The following RAE1 variants were observed in gnomAD, a reference collection of about 807,000 sequenced individuals.
The protein encoded by RAE1 is ribonucleic acid export 1.
A neutral mutation model predicts 52.7 loss-of-function variants in RAE1; 13 were observed. The ratio of observed to expected loss-of-function variants is 0.25; its 90% CI spans 0.16 to 0.39. RAE1 has a LOEUF of 0.39. Among genes scored for constraint, RAE1 ranks in the 10% least tolerant of loss-of-function variants. RAE1 has a pLI of 1.00. For missense variants in RAE1, 262 were observed against 459.8 expected, an observed-to-expected ratio of 0.57 and a Z score of 3.93; for synonymous variants, 164 against 153.1, an observed-to-expected ratio of 1.07 and a Z score of -0.52.
chr20:57,359,450 A>C (rs2066858071), intron 4 of RAE1: 1 of 154,402 alleles, frequency 6.5e-6, no homozygotes, highest in Non-Finnish European at 1.4e-5. Flanking sequence ...AATTTAAGAT[A>C]GTTAGATATT....
intron 4 of RAE1, among the ~76,000 whole-genome samples, chr20:57,363,451 T>A (rs1209133083): frequency 7.2e-5 from 11 of 152,154 alleles, no homozygotes; most frequent in Non-Finnish European, 1.3e-4. Flanking sequence ...AGACTGAGGC[T>A]GCAGTGATCC....
At chr20:57,357,460 A>T (rs569540289) in intron 4 of RAE1, 1 of 152,340 alleles carries the variant, frequency 6.6e-6, no homozygotes, top group South Asian at 2.1e-4. Context: ...AATTAGGACA[A>T]GCATTGAGAT....
chr20:57,367,226 C>A, intron 7 of RAE1, 147 bp downstream of exon 7: 1 of 715,348 alleles, frequency 1.4e-6, no homozygotes, highest in Non-Finnish European at 2.3e-6. Flanking sequence ...GTTGAGATTG[C>A]CTCAGTCGTC....
intron 3 of RAE1, among the ~76,000 whole-genome samples, chr20:57,355,552 C>A (rs554408632): frequency 7.2e-5 from 11 of 152,272 alleles, no homozygotes; most frequent in African/African-American, 2.4e-4. Flanking sequence ...CTCACTGATA[C>A]CCTTCTGGGA....
At chr20:57,352,092 A>G (rs2066718719) in intron 1 of RAE1, 1 of 656,224 alleles carries the variant, frequency 1.5e-6, no homozygotes, top group Middle Eastern at 7.8e-4. Flanking sequence ...AAGATTAGAT[A>G]TGTTAAAGTT....
At chr20:57,351,770 G>GCGT in intron 1 of RAE1, 10 of 985,518 alleles carry the variant, frequency 1.0e-5, no homozygotes, top group Non-Finnish European at 1.2e-5. Flanking sequence ...TTGCAGAAGG[G>GCGT]CGTCCCCTTT....
At chr20:57,358,808 G>A in intron 4 of RAE1, 1 of 441,172 alleles carries the variant, frequency 2.3e-6, no homozygotes, top group African/African-American at 2.0e-5. Context: ...ACTTAGACTT[G>A]TGTGGTCTTA....
At chr20:57,373,774 C>T in intron 10 of RAE1, 36 bp downstream of exon 10, 1 of 1,584,596 alleles carries the variant, frequency 6.3e-7, no homozygotes, top group Non-Finnish European at 8.7e-7. Flanking sequence ...GGTAATACAT[C>T]TGGAAACCAG....
intron 8 of RAE1, among the ~76,000 whole-genome samples, chr20:57,369,628 A>G (rs945319272): frequency 3.3e-5 from 5 of 152,178 alleles, no homozygotes; most frequent in Admixed American, 1.3e-4. Flanking sequence ...ACACATCTGG[A>G]TGGGTTGGTT....
chr20:57,361,406 T>C (rs1337815945), intron 4 of RAE1, among the ~76,000 whole-genome samples: 2 of 152,188 alleles, frequency 1.3e-5, no homozygotes, highest in African/African-American at 4.8e-5. Context: ...GGTTAAAATA[T>C]GTCTGGGCTC....
chr20:57,367,646 A>G (rs1243298292), intron 7 of RAE1, among the ~76,000 whole-genome samples: 1 of 151,068 alleles, frequency 6.6e-6, no homozygotes, highest in Non-Finnish European at 1.5e-5. Context: ...AGGCTGACGC[A>G]TGAGAATTGC....
intron 4 of RAE1, chr20:57,359,328 A>T (rs2066854592): frequency 4.2e-6 from 1 of 238,110 alleles, no homozygotes; most frequent in African/African-American, 2.2e-5. Context: ...CTCCCGTCTG[A>T]TGTAAGCTTA....
intron 1 of RAE1, among the ~76,000 whole-genome samples, chr20:57,353,231 C>G (rs931212957): frequency 6.6e-6 from 1 of 152,136 alleles, no homozygotes; most frequent in South Asian, 2.1e-4. Flanking sequence ...GTTTATTGTA[C>G]CCACTATGAA....
At chr20:57,360,804 T>C (rs1404159139) in intron 4 of RAE1, among the ~76,000 whole-genome samples, 1 of 152,206 alleles carries the variant, frequency 6.6e-6, no homozygotes, top group Non-Finnish European at 1.5e-5. Context: ...TGTTTATTAC[T>C]AGATTTAACA....
chr20:57,373,873 C>T, intron 10 of RAE1, 135 bp downstream of exon 10: 1 of 930,368 alleles, frequency 1.1e-6, no homozygotes, highest in South Asian at 1.6e-5. Context: ...GTGGCTTATG[C>T]TGTAGGCTTC....
intron 4 of RAE1, among the ~76,000 whole-genome samples, chr20:57,357,233 C>G (rs1012591198): frequency 6.6e-6 from 1 of 152,198 alleles, no homozygotes; most frequent in African/African-American, 2.4e-5. Flanking sequence ...ATCCATCGGC[C>G]TCCAAATTCT....
In RAE1 at chr20:57,378,320, G is replaced by A. The variant is rs1465138945; in HGVS notation, c.*221G>A. 2 of 508,368 alleles carry A rather than the reference G, an allele frequency of 3.9e-6. No individual in the cohort carries two copies. Among genetic ancestry groups the A allele is most frequent in the Non-Finnish European group, 3.5e-6 (1 of 283,534 alleles). 31.5% of individuals were successfully genotyped at this position (508,368 alleles called of 1,614,324 possible). A position where few individuals can be genotyped will look rare whatever the true frequency, so the allele number is the denominator to read the frequency against. ...TGCAGAGTTTTTCTGTAACTAAGGGGGTTGAGGTTATTGTAGACGTTAGAT... is the reference window on the plus strand; with the variant it reads ...TGCAGAGTTTTTCTGTAACTAAGGGAGTTGAGGTTATTGTAGACGTTAGAT... On this transcript the variant is annotated 3_prime_UTR_variant, in exon 12 of 12. Transcript: ENST00000395841.
intron 3 of RAE1, among the ~76,000 whole-genome samples, chr20:57,356,101 T>TC (rs2066782037): frequency 6.6e-6 from 1 of 152,210 alleles, no homozygotes; most frequent in Non-Finnish European, 1.5e-5. Context: ...GAGGGGAGAT[T>TC]ATATAAAGTA....
At chr20:57,368,412 G>T (rs1600721909) in intron 7 of RAE1, among the ~76,000 whole-genome samples, 1 of 152,310 alleles carries the variant, frequency 6.6e-6, no homozygotes, top group South Asian at 2.1e-4. Context: ...ACAAAGGCTG[G>T]AATAGTGACA....
Sources: allele counts gnomAD v4.1 joint callset (sites outside exome capture counted in the v4.1 genomes callset), GRCh38; gene constraint gnomAD v4.1.1; transcripts MANE v1.5; gene names NCBI Gene and HGNC (gene_info 2026-07-23, HGNC 2026-07-21).